The following MLYCD variants were observed in gnomAD, a reference collection of about 807,000 sequenced individuals.
MLYCD encodes malonyl-CoA decarboxylase, mitochondrial.
Under a neutral mutation model 35.8 loss-of-function variants are expected in MLYCD, and 27 were observed. That is an observed-to-expected ratio of 0.75 (90% CI 0.56 to 1.04). The LOEUF is 1.04. Among genes scored for constraint, MLYCD ranks in the 50% least tolerant of loss-of-function variants. The probability of loss-of-function intolerance (pLI) is 0.00; values close to 1 mark genes in which losing one functional copy is unlikely to be tolerated. For missense variants in MLYCD, 917 were observed against 665.1 expected (o/e 1.38, Z -4.17); for synonymous variants, 403 against 302.4 (o/e 1.33, Z -3.45).
Position 83,915,375 on chromosome 16 carries a change from C to G in MLYCD, c.1368C>G (p.Tyr456Ter). ...GCGGCCTGATGGCCAACTACCGCTA[C>G]TTCCTGGAGGAGACGGGCCCCAACA... ...GSCGLMANYR[Y>*]FLEETGPNST... The change falls in exon 5 of 5, where the codon TAC (tyrosine) becomes TAG (stop). Residue 456 changes from tyrosine (Y) to a stop codon, truncating the protein, a stop_gained. Coordinates refer to ENST00000262430, the MANE Select transcript of MLYCD (RefSeq NM_012213.3). LOFTEE classifies it high-confidence loss of function. 1 of 1,613,888 alleles carries G rather than the reference C, an allele frequency of 6.2e-7. No homozygotes were observed. The highest frequency in any genetic ancestry group is 8.5e-7 in the Non-Finnish European group (1 of 1,180,040).
In MLYCD at chr16:83,926,764, C is replaced by A. The variant is rs954481006; in HGVS notation, c.*11275C>A. 6.6e-6 allele frequency: 1 copy of A among 152,334 alleles called. No individual in the cohort carries two copies. Among genetic ancestry groups the A allele is most frequent in the African/African-American group, 2.4e-5 (1 of 41,572 alleles). The allele number at this position is 152,334 out of a possible 1,614,324, so 9.4% of individuals were successfully genotyped here. ...GACAGCGCAGGGACGCACTTTGATG[C>A]TGAAAATGAGTCTCTGGGACAGATG... is the stretch of plus-strand genomic sequence containing the variant. On this transcript the variant is annotated 3_prime_UTR_variant, in exon 5 of 5. Coordinates refer to ENST00000262430, the MANE Select transcript of MLYCD (RefSeq NM_012213.3).
rs1048614591 is a variant in MLYCD at position 83,902,559 on chromosome 16, G to A, written c.528+2887G>A. On this transcript the variant is annotated intron_variant, in intron 1 of 4. Transcript: ENST00000262430. ...CTTGCTCTGTTGCCCAGGCTGGAGT[G>A]CAGCAGCACAATCTCTGCTCATTGC... is the stretch of plus-strand genomic sequence containing the variant. Among the ~76,000 whole-genome samples the A allele has an allele frequency of 4.2e-5, 6 of 142,354 alleles. No homozygotes were observed. In the Admixed American group the frequency reaches 4.4e-4, roughly 11 times the overall value. The allele number at this position is 142,354 out of a possible 152,430, so 93.4% of individuals were successfully genotyped here. A position where few individuals can be genotyped will look rare whatever the true frequency, so the allele number is the denominator to read the frequency against.
At chr16:83,906,280 A>C (rs185931772) in intron 1 of MLYCD, among the ~76,000 whole-genome samples, 118 of 151,712 alleles carry the variant, frequency 7.8e-4, no homozygotes, top group African/African-American at 2.5e-3. Context: ...AGTCCCAGCT[A>C]CTTGGGGGGC....
rs956447095 is a variant in MLYCD, at chr16:83,899,452, C to G, written c.308C>G (p.Ala103Gly). Residue 103 changes from alanine (A) to glycine (G), a missense_variant, in exon 1 of 5, where the codon GCG becomes GGG. Coordinates refer to ENST00000262430, the MANE Select transcript of MLYCD (RefSeq NM_012213.3). ...TTCGGCGTGGACCACGGCCAGGTGG[C>G]GGAGCAGAGCGCCGGCGTGCTCCAT... ...RGFGVDHGQV[A>G]EQSAGVLHLR... The G allele has an allele frequency of 2.0e-6, 3 of 1,523,548 alleles. No homozygotes were observed. The African/African-American group carries it at 4.3e-5, about 22-fold the overall frequency. 94.4% of individuals were successfully genotyped at this position (1,523,548 alleles called of 1,614,324 possible).
chr16:83,901,997 A>G (rs1457865335), intron 1 of MLYCD, among the ~76,000 whole-genome samples: 3 of 151,664 alleles, frequency 2.0e-5, no homozygotes, highest in Non-Finnish European at 4.4e-5. Context: ...TGCCCCTTCC[A>G]TTTCTTTACC....
At chr16:83,912,389 C>G (rs1907212606) in intron 4 of MLYCD, 22 bp downstream of exon 4, 1 of 1,613,904 alleles carries the variant, frequency 6.2e-7, no homozygotes. Flanking sequence ...GCAGGGAGCC[C>G]CGGTCACGCT....
In MLYCD at chr16:83,915,066, A is replaced by G. The variant is rs1298654618; in HGVS notation, c.1059A>G (p.Glu353=). The change falls in exon 5 of 5, where the codon GAA becomes GAG. Residue 353 remains glutamate, a synonymous_variant. Coordinates refer to ENST00000262430, the MANE Select transcript of MLYCD (RefSeq NM_012213.3). ...AAACGAAGGAGCATGGGAGGAATGAACTCTTTACAGATTCGGAATGTAAGG... is the reference window on the plus strand; with the variant it reads ...AAACGAAGGAGCATGGGAGGAATGAGCTCTTTACAGATTCGGAATGTAAGG... ...NSQTKEHGRN[E]LFTDSECKEI... 5.6e-6 allele frequency: 9 copies of G among 1,614,110 alleles called. No individual in the cohort carries two copies. Among genetic ancestry groups the G allele is most frequent in the Non-Finnish European group, 7.6e-6 (9 of 1,180,020 alleles).
intron 2 of MLYCD, among the ~76,000 whole-genome samples, chr16:83,907,472 C>G (rs1260438096): frequency 1.3e-5 from 2 of 152,178 alleles, no homozygotes; most frequent in Non-Finnish European, 2.9e-5. Flanking sequence ...TTTAGCCCAC[C>G]TGGTGGTTAA....
At chr16:83,904,005 G>C (rs569422989) in intron 1 of MLYCD, among the ~76,000 whole-genome samples, 1 of 152,178 alleles carries the variant, frequency 6.6e-6, no homozygotes, top group South Asian at 2.1e-4. Flanking sequence ...TTAGAACTGA[G>C]CAACGGAGAC....
chr16:83,916,239 T>TCAGC lies in MLYCD; in HGVS notation c.*760_*763dup, dbSNP rs1907382088. On this transcript the variant is annotated 3_prime_UTR_variant, in exon 5 of 5. Transcript: ENST00000262430. ...GATTAGAGACCTGGGAAGGCTGGAA[T>TCAGC]CAGCCAGCCAGCCTACGGGGAGTTT... 4.1e-6 allele frequency: 4 copies of TCAGC among 984,768 alleles called. No homozygotes were observed. The highest frequency in any genetic ancestry group is 3.5e-5 in the African/African-American group (2 of 57,216). The allele number at this position is 984,768 out of a possible 1,614,324, so 61.0% of individuals were successfully genotyped here. A position where few individuals can be genotyped will look rare whatever the true frequency, so the allele number is the denominator to read the frequency against.
rs199803080 is a variant in MLYCD, at chr16:83,920,868, A to T, written c.*5379A>T. 6.6e-6 allele frequency: 1 copy of T among 152,202 alleles called. No individual in the cohort carries two copies. Among genetic ancestry groups the T allele is most frequent in the Non-Finnish European group, 1.5e-5 (1 of 68,048 alleles). 9.4% of individuals were successfully genotyped at this position (152,202 alleles called of 1,614,324 possible). On this transcript the variant is annotated 3_prime_UTR_variant, in exon 5 of 5. Coordinates refer to ENST00000262430, the MANE Select transcript of MLYCD (RefSeq NM_012213.3). The stretch of plus-strand genomic sequence containing the variant: ...GTGCTTCACATTTAGCAGGTCCTCA[A>T]TGAACATTAGATGGATGGATGGAAG...
In MLYCD at chr16:83,912,254, GAGA is replaced by G. The variant is rs781143051; in HGVS notation, c.840_842del (p.Lys280del). The G allele has an allele frequency of 1.7e-5, 28 of 1,614,220 alleles. No homozygotes were observed. Among genetic ancestry groups the G allele is most frequent in the South Asian group, 1.4e-4 (13 of 91,082 alleles). Reference sequence around the variant, plus strand: ...GGAACATCCTCCATCAGAAACAGAAGAGAAGAACAAAATCACTGCTGCGATCTT... The same window carrying G: ...GGAACATCCTCCATCAGAAACAGAAGAGAACAAAATCACTGCTGCGATCTT... On this transcript the variant is annotated inframe_deletion, in exon 4 of 5. Coordinates refer to ENST00000262430, the MANE Select transcript of MLYCD (RefSeq NM_012213.3).
At position 83,917,393 on chromosome 16, in the gene MLYCD, G is replaced by A. The variant is rs955906408; in HGVS notation, c.*1904G>A. On this transcript the variant is annotated 3_prime_UTR_variant, in exon 5 of 5. Coordinates refer to ENST00000262430, the MANE Select transcript of MLYCD (RefSeq NM_012213.3). ...TGCATGTGCACACGTGCATGTGCAT[G>A]TGCTTACACGTCTTTGTGTGTCTGT... 1 of 154,528 alleles carries A rather than the reference G, an allele frequency of 6.5e-6. No individual in the cohort carries two copies. Among genetic ancestry groups the A allele is most frequent in the Non-Finnish European group, 1.5e-5 (1 of 68,254 alleles). The allele number at this position is 154,528 out of a possible 1,614,324, so 9.6% of individuals were successfully genotyped here.
intron 1 of MLYCD, among the ~76,000 whole-genome samples, chr16:83,902,155 G>GTGTGTGTATATATA (rs1555537769): frequency 1.1e-5 from 1 of 87,318 alleles, no homozygotes; most frequent in African/African-American, 4.6e-5. Context: ...GTGTGCGTGC[G>GTGTGTGTATATATA]TATATATATA....
At chr16:83,911,116 A>C (rs1907162959) in intron 3 of MLYCD, among the ~76,000 whole-genome samples, 1 of 152,214 alleles carries the variant, frequency 6.6e-6, no homozygotes, top group East Asian at 1.9e-4. Flanking sequence ...AGCTGGGACT[A>C]CAGGCACCTG....
chr16:83,906,340 G>A (rs1010609572), intron 1 of MLYCD, among the ~76,000 whole-genome samples: 8 of 152,250 alleles, frequency 5.3e-5, no homozygotes, highest in Admixed American at 1.3e-4. Context: ...GCAGCGAGCC[G>A]TGTTCATGCT....
intron 3 of MLYCD, among the ~76,000 whole-genome samples, chr16:83,909,088 C>T (rs1433478544): frequency 6.6e-6 from 1 of 152,100 alleles, no homozygotes; most frequent in African/African-American, 2.4e-5. Context: ...GAAACACATT[C>T]CCTTACAATG....
Position 83,913,808 on chromosome 16 carries a change from A to C in MLYCD, c.949-1148A>C, listed in dbSNP as rs947755281. On this transcript the variant is annotated intron_variant, in intron 4 of 4. Coordinates refer to ENST00000262430, the MANE Select transcript of MLYCD (RefSeq NM_012213.3). ...CAGCCTGGGAGAGACAGTCTCAAAA[A>C]AAAAAAAAAAAAAACAGTGGTTCGG... 219 of 151,852 alleles carry C rather than the reference A, an allele frequency of 1.4e-3. 1 individual carries two copies. Among genetic ancestry groups the C allele is most frequent in the African/African-American group, 5.0e-3 (208 of 41,432 alleles). 9.4% of individuals were successfully genotyped at this position (151,852 alleles called of 1,614,324 possible).
chr16:83,919,265 CAGG>C lies in MLYCD; in HGVS notation c.*3779_*3781del, dbSNP rs544412320. 3.9e-3 allele frequency: 557 copies of C among 143,784 alleles called. 3 individuals are homozygous for C. Among genetic ancestry groups the C allele is most frequent in the Non-Finnish European group, 5.1e-3 (339 of 66,848 alleles). The allele number at this position is 143,784 out of a possible 1,614,324, so 8.9% of individuals were successfully genotyped here. ...TGCACAGGAGACCATGCACAGTGCA[CAGG>C]AGAATACACATGGTGCACAGCAGAA... On this transcript the variant is annotated 3_prime_UTR_variant, in exon 5 of 5. Coordinates refer to ENST00000262430, the MANE Select transcript of MLYCD (RefSeq NM_012213.3).
Sources: gnomAD v4.1 joint callset for allele counts (sites outside exome capture counted in the v4.1 genomes callset) on GRCh38, gnomAD v4.1.1 for gene constraint, MANE v1.5 for transcripts, NCBI Gene and HGNC (gene_info 2026-07-23, HGNC 2026-07-21) for gene names.